Variants in CCSER1 observed in about 807,000 individuals in gnomAD.
CCSER1 encodes the protein serine-rich coiled-coil domain-containing protein 1.
CCSER1 carries 41 observed loss-of-function variants against 82.0 expected under a neutral mutation model. That is an observed-to-expected ratio of 0.50 (90% CI 0.39 to 0.65). CCSER1 has a LOEUF of 0.65. CCSER1 is among the 30% of genes least tolerant of loss of function. The pLI, the probability that CCSER1 is intolerant of heterozygous loss-of-function variation, is 0.00. For synonymous variants in CCSER1, 414 were observed against 383.9 expected (o/e 1.08, Z -0.92); for missense variants, 1,119 against 1,064.2 (o/e 1.05, Z -0.72).
At chr4:90,284,914 C>G (rs1289515062) in intron 1 of CCSER1, among the ~76,000 whole-genome samples, 1 of 151,996 alleles carries the variant, frequency 6.6e-6, no homozygotes, top group Non-Finnish European at 1.5e-5. Flanking sequence ...CAAGGTATAT[C>G]CTTGGCAACT....
intron 10 of CCSER1, among the ~76,000 whole-genome samples, chr4:91,183,344 C>A (rs1734225947): frequency 6.6e-6 from 1 of 152,094 alleles, no homozygotes; most frequent in South Asian, 2.1e-4. Context: ...CTTTTTGAGC[C>A]AGAATAAGAA....
intron 10 of CCSER1, among the ~76,000 whole-genome samples, chr4:91,483,624 C>T (rs926778997): frequency 1.3e-5 from 2 of 151,842 alleles, no homozygotes; most frequent in African/African-American, 2.4e-5. Context: ...TTAATAGAGA[C>T]GGGATTTCAC....
chr4:90,688,261 A>T (rs1437402989), intron 6 of CCSER1, among the ~76,000 whole-genome samples: 1 of 151,962 alleles, frequency 6.6e-6, no homozygotes, highest in Non-Finnish European at 1.5e-5. Flanking sequence ...ACCCTTATGC[A>T]TTCTGTATCC....
At chr4:90,570,871 C>T (rs922970308) in intron 5 of CCSER1, among the ~76,000 whole-genome samples, 1 of 151,964 alleles carries the variant, frequency 6.6e-6, no homozygotes, top group Non-Finnish European at 1.5e-5. Flanking sequence ...ATTGTGTTTA[C>T]GCCCAAGGCC....
intron 10 of CCSER1, among the ~76,000 whole-genome samples, chr4:91,493,136 C>A: frequency 6.6e-6 from 1 of 150,458 alleles, no homozygotes; most frequent in Admixed American, 6.6e-5. Context: ...TATAGAAAGC[C>A]TGAAGGATGT....
intron 10 of CCSER1, among the ~76,000 whole-genome samples, chr4:91,090,304 A>G (rs1267639293): frequency 2.0e-5 from 3 of 152,192 alleles, no homozygotes; most frequent in Admixed American, 6.5e-5. Context: ...GTGGCTTAGC[A>G]TAGGCTCTAT....
intron 6 of CCSER1, among the ~76,000 whole-genome samples, chr4:90,707,281 G>T (rs113466853): frequency 6.7e-6 from 1 of 150,034 alleles, no homozygotes; most frequent in Non-Finnish European, 1.5e-5. Context: ...TCCTATCTCC[G>T]CCAGTGTAGT....
chr4:91,079,618 A>G (rs1236184318), intron 9 of CCSER1, among the ~76,000 whole-genome samples: 1 of 152,242 alleles, frequency 6.6e-6, no homozygotes, highest in East Asian at 1.9e-4. Flanking sequence ...TAAAAGACAC[A>G]GACTGGCAAA....
intron 10 of CCSER1, among the ~76,000 whole-genome samples, chr4:91,405,317 A>G (rs951644456): frequency 5.9e-5 from 9 of 152,082 alleles, no homozygotes; most frequent in Non-Finnish European, 1.0e-4. Flanking sequence ...TTGAAGATGG[A>G]TTAAAGACTT....
intron 4 of CCSER1, among the ~76,000 whole-genome samples, chr4:90,414,325 CT>C (rs1755471907): frequency 6.6e-6 from 1 of 151,412 alleles, no homozygotes; most frequent in African/African-American, 2.4e-5. Flanking sequence ...ATTATATTTT[CT>C]TGAGTTTCTG....
At chr4:90,913,346 T>C (rs1726740268) in intron 8 of CCSER1, among the ~76,000 whole-genome samples, 1 of 152,128 alleles carries the variant, frequency 6.6e-6, no homozygotes, top group African/African-American at 2.4e-5. Context: ...TCAACATTCT[T>C]AAAGAAAAGA....
rs191732530 is a variant in CCSER1, at chr4:90,282,410, T to C, written c.-41-25834T>C. 2.1e-3 allele frequency among the ~76,000 whole-genome samples: 310 copies of C among 151,206 alleles called. 3 individuals are homozygous for C. The highest frequency in any genetic ancestry group is 3.6e-3 in the Non-Finnish European group (243 of 67,708). On this transcript the variant is annotated intron_variant, in intron 1 of 10. Coordinates refer to ENST00000509176, the MANE Select transcript of CCSER1 (RefSeq NM_001145065.2). ...AGAAAGTATCTAATCCATCTGTGAATCAAGTTAAATTATATATATTTATGT... is the reference window on the plus strand; with the variant it reads ...AGAAAGTATCTAATCCATCTGTGAACCAAGTTAAATTATATATATTTATGT...
intron 5 of CCSER1, among the ~76,000 whole-genome samples, chr4:90,514,047 A>T (rs924348142): frequency 6.6e-6 from 1 of 152,216 alleles, no homozygotes; most frequent in Non-Finnish European, 1.5e-5. Flanking sequence ...GCCAGATTTC[A>T]GCTAGAGCTC....
intron 10 of CCSER1, among the ~76,000 whole-genome samples, chr4:91,534,170 A>G (rs898110737): frequency 3.9e-5 from 6 of 152,190 alleles, no homozygotes; most frequent in Admixed American, 3.3e-4. Context: ...ATAAATTCTC[A>G]TTAGCCACTA....
intron 7 of CCSER1, among the ~76,000 whole-genome samples, chr4:90,787,848 T>C (rs749653): frequency 0.19 from 28,308 of 152,108 alleles, 3,283 homozygotes; most frequent in South Asian, 0.27. Flanking sequence ...TGACGCTTCC[T>C]AAATGTGGTT....
At chr4:91,167,231 G>A (rs946139638) in intron 10 of CCSER1, among the ~76,000 whole-genome samples, 2 of 128,186 alleles carry the variant, frequency 1.6e-5, no homozygotes, top group Admixed American at 9.6e-5. Flanking sequence ...CTGTCACACA[G>A]ACTAGAGTGC....
intron 5 of CCSER1, among the ~76,000 whole-genome samples, chr4:90,476,295 C>T (rs1376311527): frequency 6.6e-6 from 1 of 152,154 alleles, no homozygotes; most frequent in Non-Finnish European, 1.5e-5. Flanking sequence ...GCCTTCACCA[C>T]TCACTCTGTC....
rs567760985 is a variant in CCSER1, at chr4:90,940,485, G to A, written c.2172+17038G>A. Among the ~76,000 whole-genome samples the A allele has an allele frequency of 3.3e-5, 5 of 151,390 alleles. No individual in the cohort carries two copies. In the East Asian group the frequency reaches 9.6e-4, roughly 29 times the overall value. On this transcript the variant is annotated intron_variant, in intron 9 of 10. Transcript: ENST00000509176. Reference sequence around the variant, plus strand: ...AATTTGTCCATTAGACTCTTAAAGTGTTTTATAAATATTTATTTGATTACA... The same window carrying A: ...AATTTGTCCATTAGACTCTTAAAGTATTTTATAAATATTTATTTGATTACA...
chr4:91,329,637 A>G (rs149014374), intron 10 of CCSER1, among the ~76,000 whole-genome samples: 12 of 152,132 alleles, frequency 7.9e-5, no homozygotes, highest in African/African-American at 1.2e-4. Context: ...ACAGATGGCT[A>G]TGTTCTTGTT....
Sources: gnomAD v4.1 joint callset for allele counts (sites outside exome capture counted in the v4.1 genomes callset) on GRCh38, gnomAD v4.1.1 for gene constraint, MANE v1.5 for transcripts, NCBI Gene and HGNC (gene_info 2026-07-23, HGNC 2026-07-21) for gene names.